The following LUZP2 variants were observed in gnomAD, a reference collection of about 807,000 sequenced individuals.
LUZP2 encodes the protein leucine zipper protein 2.
LUZP2 carries 52 observed loss-of-function variants against 51.6 expected under a neutral mutation model. The observed-to-expected ratio is 1.01, with a 90% CI of 0.81 to 1.27. LUZP2 has a LOEUF of 1.27. Among genes scored for constraint, LUZP2 ranks in the 50% most tolerant of loss-of-function variants. LUZP2 has a pLI of 0.00. For synonymous variants in LUZP2, 154 were observed against 137.3 expected, an observed-to-expected ratio of 1.12 and a Z score of -0.85; for missense variants, 436 against 395.4, an observed-to-expected ratio of 1.10 and a Z score of -0.87.
intron 8 of LUZP2, among the ~76,000 whole-genome samples, chr11:24,979,261 G>A (rs767210313): frequency 2.1e-4 from 32 of 151,596 alleles, no homozygotes; most frequent in East Asian, 9.7e-4. Flanking sequence ...ATCTTGTCAC[G>A]CCTTTTAGTA....
intron 1 of LUZP2, among the ~76,000 whole-genome samples, chr11:24,573,247 T>G (rs1852498860): frequency 6.6e-6 from 1 of 152,012 alleles, no homozygotes; most frequent in Non-Finnish European, 1.5e-5. Context: ...CTCCAGCACC[T>G]AAGAGTCTCA....
intron 1 of LUZP2, among the ~76,000 whole-genome samples, chr11:24,552,892 G>T (rs551758505): frequency 4.1e-3 from 618 of 150,400 alleles, no homozygotes; most frequent in Non-Finnish European, 6.5e-3. Context: ...AATTTCATTG[G>T]ATTTTGAAAA....
intron 1 of LUZP2, among the ~76,000 whole-genome samples, chr11:24,518,593 A>G (rs1254347755): frequency 6.6e-6 from 1 of 152,206 alleles, no homozygotes; most frequent in Non-Finnish European, 1.5e-5. Flanking sequence ...TAAGATGATA[A>G]CTGAAATATC....
At chr11:25,071,432 CT>C (rs1859155252) in intron 10 of LUZP2, among the ~76,000 whole-genome samples, 1 of 151,450 alleles carries the variant, frequency 6.6e-6, no homozygotes, top group African/African-American at 2.4e-5. Flanking sequence ...AATGTAGGTG[CT>C]TTGTTGATCG....
intron 7 of LUZP2, among the ~76,000 whole-genome samples, chr11:24,931,511 T>C (rs540959354): frequency 1.3e-5 from 2 of 152,176 alleles, no homozygotes; most frequent in African/African-American, 4.8e-5. Flanking sequence ...AGGACCCATG[T>C]TCCTGAGACT....
intron 1 of LUZP2, among the ~76,000 whole-genome samples, chr11:24,524,162 T>C (rs1850725289): frequency 6.6e-6 from 1 of 151,844 alleles, no homozygotes; most frequent in Admixed American, 6.6e-5. Context: ...ATGACAAAGA[T>C]GTTAAATGTT....
At chr11:24,875,045 G>A (rs1406146460) in intron 5 of LUZP2, among the ~76,000 whole-genome samples, 1 of 152,022 alleles carries the variant, frequency 6.6e-6, no homozygotes, top group Non-Finnish European at 1.5e-5. Flanking sequence ...CAGAGGAGAC[G>A]CTAGCCCCTT....
chr11:24,566,623 T>TATAC, intron 1 of LUZP2, among the ~76,000 whole-genome samples: 1 of 145,278 alleles, frequency 6.9e-6, no homozygotes, highest in East Asian at 2.0e-4. Context: ...TGTATAGATA[T>TATAC]ACACACACAC....
chr11:24,880,677 G>A (rs1422451318), intron 5 of LUZP2, among the ~76,000 whole-genome samples: 2 of 151,954 alleles, frequency 1.3e-5, no homozygotes, highest in Admixed American at 1.3e-4. Context: ...GATCTCTTAA[G>A]GCTGTAGGTT....
rs552432175 is a variant in LUZP2, at chr11:24,517,152, A to G, written c.62+19847A>G. On this transcript the variant is annotated intron_variant, in intron 1 of 11. Transcript: ENST00000336930. ...ATTGAAACATGAATAAGATAATCTT[A>G]TGTCACCTGTCCAAAAAACTATTGC... Among the ~76,000 whole-genome samples, 3 of 152,220 alleles carry G rather than the reference A, an allele frequency of 2.0e-5. No homozygotes were observed. The East Asian group carries it at 5.8e-4, about 29-fold the overall frequency.
intron 1 of LUZP2, among the ~76,000 whole-genome samples, chr11:24,545,610 A>T (rs1590164103): frequency 1.0e-5 from 1 of 98,532 alleles, no homozygotes; most frequent in South Asian, 3.0e-4. Flanking sequence ...GTGCAGTCTT[A>T]TTTCTGGGTT....
In LUZP2 at chr11:24,774,362, C is replaced by CTCTATATA. The variant is rs776739280; in HGVS notation, c.396+11055_396+11056insCTATATAT. On this transcript the variant is annotated intron_variant, in intron 5 of 11. Transcript: ENST00000336930. ...TCTCTCTCTCTCTCTCTCTCTCTCT[C>CTCTATATA]TATATATATATATATATATACATAC... 2.6e-4 allele frequency among the ~76,000 whole-genome samples: 20 copies of CTCTATATA among 76,336 alleles called. 2 individuals are homozygous for CTCTATATA. The highest frequency in any genetic ancestry group is 9.6e-4 in the African/African-American group (16 of 16,740). The allele number at this position is 76,336 out of a possible 152,430, so 50.1% of individuals were successfully genotyped here.
At chr11:24,571,350 G>A (rs1852437489) in intron 1 of LUZP2, among the ~76,000 whole-genome samples, 1 of 147,298 alleles carries the variant, frequency 6.8e-6, no homozygotes, top group Non-Finnish European at 1.5e-5. Flanking sequence ...GCTCTTTCAG[G>A]TTTTCCTCTG....
intron 4 of LUZP2, among the ~76,000 whole-genome samples, chr11:24,740,774 T>C (rs1440409665): frequency 6.6e-6 from 1 of 152,142 alleles, no homozygotes; most frequent in Non-Finnish European, 1.5e-5. Context: ...TTCATCTTCA[T>C]CCGTTAGCTG....
At chr11:24,819,812 C>T (rs993108764) in intron 5 of LUZP2, among the ~76,000 whole-genome samples, 2 of 152,002 alleles carry the variant, frequency 1.3e-5, no homozygotes, top group African/African-American at 4.8e-5. Context: ...TTAAGTTTTA[C>T]AGTTGTGTAC....
intron 5 of LUZP2, among the ~76,000 whole-genome samples, chr11:24,815,353 T>A (rs1348571838): frequency 6.6e-6 from 1 of 152,230 alleles, no homozygotes; most frequent in Non-Finnish European, 1.5e-5. Context: ...TTGATGCATA[T>A]GGAAAGAAAT....
chr11:24,586,820 TG>T (rs1350582287), intron 1 of LUZP2, among the ~76,000 whole-genome samples: 1 of 152,112 alleles, frequency 6.6e-6, no homozygotes. Flanking sequence ...AAAATGTTTT[TG>T]GGGCCTATGA....
At chr11:24,846,824 T>C (rs7928455) in intron 5 of LUZP2, among the ~76,000 whole-genome samples, 1,729 of 152,190 alleles carry the variant, frequency 0.011, 33 homozygotes, top group African/African-American at 0.039. Flanking sequence ...TGTCTCCCTC[T>C]ATGTGTGTGT....
At chr11:24,744,687 GT>G (rs1177473078) in intron 4 of LUZP2, among the ~76,000 whole-genome samples, 5 of 151,926 alleles carry the variant, frequency 3.3e-5, no homozygotes. Flanking sequence ...TGTATTGGTT[GT>G]TTTTTGTTTC....
Sources: gnomAD v4.1 joint callset for allele counts (sites outside exome capture counted in the v4.1 genomes callset) on GRCh38, gnomAD v4.1.1 for gene constraint, MANE v1.5 for transcripts, NCBI Gene and HGNC (gene_info 2026-07-23, HGNC 2026-07-21) for gene names.